The following PIK3C2A variants were observed in gnomAD, a reference collection of about 807,000 sequenced individuals.
PIK3C2A encodes phosphatidylinositol 4-phosphate 3-kinase C2 domain-containing subunit alpha.
A neutral mutation model predicts 204.5 loss-of-function variants in PIK3C2A; 97 were observed. The ratio of observed to expected loss-of-function variants is 0.47; its 90% CI spans 0.40 to 0.56. The LOEUF is 0.56. Among genes scored for constraint, PIK3C2A ranks in the 20% least tolerant of loss-of-function variants. The pLI is 0.00. For missense variants in PIK3C2A, 1,735 were observed against 1,969.2 expected, an observed-to-expected ratio of 0.88 and a Z score of 2.25; for synonymous variants, 653 against 664.4, an observed-to-expected ratio of 0.98 and a Z score of 0.26.
intron 1 of PIK3C2A, among the ~76,000 whole-genome samples, chr11:17,198,105 CTG>C (rs1852225783): frequency 8.2e-6 from 1 of 121,754 alleles, no homozygotes; most frequent in African/African-American, 3.2e-5. Flanking sequence ...CTCTTATAAA[CTG>C]TGTGATTTTT....
intron 2 of PIK3C2A, among the ~76,000 whole-genome samples, chr11:17,157,641 G>A (rs1352955610): frequency 1.3e-5 from 2 of 151,966 alleles, no homozygotes; most frequent in Non-Finnish European, 2.9e-5. Context: ...TCTTCATATA[G>A]TGCTAAAGCT....
At chr11:17,159,520 A>T (rs1028374347) in intron 2 of PIK3C2A, among the ~76,000 whole-genome samples, 1 of 152,182 alleles carries the variant, frequency 6.6e-6, no homozygotes. Context: ...AGAAACAAAG[A>T]TTTAGTGATC....
chr11:17,102,392 G>A lies in PIK3C2A; in HGVS notation c.3851+270C>T, dbSNP rs569351720. On this transcript the variant is annotated intron_variant, in intron 24 of 32. Coordinates refer to ENST00000691414, the MANE Select transcript of PIK3C2A (RefSeq NM_002645.4). ...GCGGAGCTTGCAGTGAGCCGAGATC[G>A]TGCCACTGCACTCCAGCCTGGGCGA... 5.3e-5 allele frequency among the ~76,000 whole-genome samples: 8 copies of A among 152,280 alleles called. No individual in the cohort carries two copies. The South Asian group carries it at 6.2e-4, about 12-fold the overall frequency.
chr11:17,090,376 A>G (rs1338064603), intron 32 of PIK3C2A, among the ~76,000 whole-genome samples: 2 of 152,208 alleles, frequency 1.3e-5, no homozygotes, highest in Non-Finnish European at 2.9e-5. Flanking sequence ...CTGAGGCAGG[A>G]GAATCACTTG....
At chr11:17,205,721 G>T (rs1340595360) in intron 1 of PIK3C2A, among the ~76,000 whole-genome samples, 1 of 152,126 alleles carries the variant, frequency 6.6e-6, no homozygotes, top group Non-Finnish European at 1.5e-5. Flanking sequence ...GAAAATTTTA[G>T]AACTATTAAT....
At chr11:17,196,473 T>C (rs898885054) in intron 1 of PIK3C2A, among the ~76,000 whole-genome samples, 16 of 152,148 alleles carry the variant, frequency 1.1e-4, no homozygotes, top group Admixed American at 7.9e-4. Context: ...GTGGTTTGAT[T>C]CAAACAAGTA....
intron 8 of PIK3C2A, among the ~76,000 whole-genome samples, chr11:17,140,859 TAG>T (rs1324131755): frequency 6.6e-6 from 1 of 152,212 alleles, no homozygotes; most frequent in Admixed American, 6.5e-5. Flanking sequence ...AAGTATAATA[TAG>T]AGTTACTATT....
chr11:17,130,370 G>C (rs537052304), intron 12 of PIK3C2A, among the ~76,000 whole-genome samples: 2 of 152,230 alleles, frequency 1.3e-5, no homozygotes, highest in African/African-American at 4.8e-5. Flanking sequence ...TGTGTTACTT[G>C]ATTGCTTTCA....
chr11:17,154,052 A>G (rs960150786), intron 3 of PIK3C2A, among the ~76,000 whole-genome samples: 5 of 152,130 alleles, frequency 3.3e-5, no homozygotes, highest in African/African-American at 1.2e-4. Flanking sequence ...TCTTTAGTCC[A>G]TTTGCAGTTT....
At position 17,188,381 on chromosome 11, in the gene PIK3C2A, C is replaced by T. The variant is rs1392699310; in HGVS notation, c.-65-18575G>A. Among the ~76,000 whole-genome samples the T allele has an allele frequency of 3.4e-5, 5 of 146,628 alleles. 1 individual carries two copies. Among genetic ancestry groups the T allele is most frequent in the African/African-American group, 1.4e-4 (5 of 36,392 alleles). On this transcript the variant is annotated intron_variant, in intron 1 of 32. Transcript: ENST00000691414. ...GAAATGTCACAGAACAGAGAACACA[C>T]AAACACCTAATGAATTAAATTTCAG...
At position 17,091,187 on chromosome 11, in the gene PIK3C2A, G is replaced by A. The variant is rs1321503891; in HGVS notation, c.4878+147C>T. 6.0e-6 allele frequency: 4 copies of A among 663,126 alleles called. No homozygotes were observed. The African/African-American group carries it at 7.3e-5, about 12-fold the overall frequency. The allele number at this position is 663,126 out of a possible 1,614,324, so 41.1% of individuals were successfully genotyped here. ...TAATGCATGCTGGGCTTAATACCTA[G>A]GTGATAGGTTGATAGGTATGCAGAC... is the stretch of plus-strand genomic sequence containing the variant. On this transcript the variant is annotated intron_variant, in intron 32 of 32. Coordinates refer to ENST00000691414, the MANE Select transcript of PIK3C2A (RefSeq NM_002645.4).
rs546497446 is a variant in PIK3C2A at position 17,154,674 on chromosome 11, C to CT, written c.1169+851dup. Among the ~76,000 whole-genome samples the CT allele has an allele frequency of 2.0e-3, 297 of 152,100 alleles. 1 individual carries two copies. The highest frequency in any genetic ancestry group is 3.5e-3 in the Non-Finnish European group (235 of 68,002). ...GGGGACTCCTTTTTCTTCTCTGCTA[C>CT]TGAGACCATTAAATTGCATGGAGGA... On this transcript the variant is annotated intron_variant, in intron 3 of 32. Transcript: ENST00000691414.
chr11:17,099,883 T>C lies in PIK3C2A; in HGVS notation c.4095A>G (p.Ala1365=), dbSNP rs568148496. 4.5e-6 allele frequency: 7 copies of C among 1,545,256 alleles called. No individual in the cohort carries two copies. The African/African-American group carries it at 5.4e-5, about 12-fold the overall frequency. The part of the protein sequence containing the change: ...RDALQPQTTD[A]EATIFFTRLI... ...ACCTAGTAAAGAAAATTGTAGCTTC[T>C]GCGTCTGTAGTTTGGGGTTGAAGTG... Residue 1365 remains alanine (A), a synonymous_variant, in exon 26 of 33, where the codon GCA becomes GCG. Coordinates refer to ENST00000691414, the MANE Select transcript of PIK3C2A (RefSeq NM_002645.4).
rs779950556 is a variant in PIK3C2A at position 17,169,180 on chromosome 11, T to C, written c.562A>G (p.Ser188Gly). 1 of 1,613,880 alleles carries C rather than the reference T, an allele frequency of 6.2e-7. No individual in the cohort carries two copies. The highest frequency in any genetic ancestry group is 8.5e-7 in the Non-Finnish European group (1 of 1,179,922). The change falls in exon 2 of 33, where the codon AGT becomes GGT. Residue 188 changes from serine to glycine, a missense_variant. Coordinates refer to ENST00000691414, the MANE Select transcript of PIK3C2A (RefSeq NM_002645.4). ...TFPSTEPIYL[S>G]LPGQSPYFSY... ...AAATATGGAGATTGTCCCGGAAGAC[T>C]TAAATATATAGGTTCTGTAGATGGA... is the stretch of plus-strand genomic sequence containing the variant.
chr11:17,113,266 TATC>T (rs1226025517), intron 20 of PIK3C2A, among the ~76,000 whole-genome samples: 6 of 152,106 alleles, frequency 3.9e-5, no homozygotes, highest in Admixed American at 6.5e-5. Flanking sequence ...ATGACTAAAA[TATC>T]ATCTCGCTAG....
intron 13 of PIK3C2A, among the ~76,000 whole-genome samples, chr11:17,126,727 G>T (rs920741437): frequency 6.6e-5 from 10 of 152,192 alleles, no homozygotes; most frequent in African/African-American, 2.4e-4. Context: ...CTACTTGGCA[G>T]TCTCAAGCTT....
intron 28 of PIK3C2A, among the ~76,000 whole-genome samples, chr11:17,093,651 G>C (rs559116607): frequency 8.0e-5 from 12 of 150,568 alleles, no homozygotes; most frequent in East Asian, 2.0e-4. Context: ...TTTTTTTGGG[G>C]GGGGGGGACA....
In PIK3C2A at chr11:17,117,782, C is replaced by CG. The variant is rs1849252176; in HGVS notation, c.3036-112dup. 5.2e-6 allele frequency: 3 copies of CG among 575,310 alleles called. No individual in the cohort carries two copies. In the South Asian group the frequency reaches 7.5e-5, roughly 14 times the overall value. 35.6% of individuals were successfully genotyped at this position (575,310 alleles called of 1,614,324 possible). ...AGGCTGGAGTGCAGTGGCGCCATCTCGGCTCACTGCAAGCTCTGCCTCCCG... is the reference window on the plus strand; with the variant it reads ...AGGCTGGAGTGCAGTGGCGCCATCTCGGGCTCACTGCAAGCTCTGCCTCCCG... On this transcript the variant is annotated intron_variant, in intron 18 of 32. Coordinates refer to ENST00000691414, the MANE Select transcript of PIK3C2A (RefSeq NM_002645.4).
At chr11:17,099,799 G>C in intron 26 of PIK3C2A, 61 bp downstream of exon 26, 1 of 775,856 alleles carries the variant, frequency 1.3e-6, no homozygotes, top group South Asian at 1.6e-5. Context: ...TTTAAACTAA[G>C]GTAAAACAAA....
Sources: gnomAD v4.1 joint callset for allele counts (sites outside exome capture counted in the v4.1 genomes callset) on GRCh38, gnomAD v4.1.1 for gene constraint, MANE v1.5 for transcripts, NCBI Gene and HGNC (gene_info 2026-07-23, HGNC 2026-07-21) for gene names.